The following IL3RA variants were observed in gnomAD, a reference collection of about 807,000 sequenced individuals.
IL3RA encodes interleukin-3 receptor subunit alpha.
A neutral mutation model predicts 52.3 loss-of-function variants in IL3RA; 73 were observed. The observed-to-expected ratio is 1.40, with a 90% CI of 1.16 to 1.70. The LOEUF (loss-of-function observed/expected upper bound fraction) is 1.70. IL3RA is among the 40% of genes most tolerant of loss of function. IL3RA has a pLI of 0.00. For missense variants in IL3RA, 664 were observed against 504.4 expected (o/e 1.32, Z -3.03); for synonymous variants, 260 against 194.0 (o/e 1.34, Z -2.83).
rs183012457 is a variant in IL3RA, at chrX:1,351,613, G to A, written c.299-487G>A. ...CAAAGTGCTGGGATTACAGGCGTGAGCCACCATGCCTGGGTTTGTTTTTTT... is the reference window on the plus strand; with the variant it reads ...CAAAGTGCTGGGATTACAGGCGTGAACCACCATGCCTGGGTTTGTTTTTTT... On this transcript the variant is annotated intron_variant, in intron 4 of 11. Coordinates refer to ENST00000331035, the MANE Select transcript of IL3RA (RefSeq NM_002183.4). 5.4e-3 allele frequency among the ~76,000 whole-genome samples: 802 copies of A among 147,882 alleles called. 11 individuals carry two copies. The highest frequency in any genetic ancestry group is 0.019 in the African/African-American group (753 of 40,064).
At chrX:1,346,015 G>C (rs1455139972) in intron 3 of IL3RA, among the ~76,000 whole-genome samples, 1 of 151,962 alleles carries the variant, frequency 6.6e-6, no homozygotes, top group Non-Finnish European at 1.5e-5. Context: ...GCTATGACTG[G>C]TGCGAAACCC....
chrX:1,352,292 G>A (rs773772462), intron 5 of IL3RA, 30 bp from the exon 6 acceptor site: 1 of 1,613,252 alleles, frequency 6.2e-7, no homozygotes, highest in Admixed American at 1.7e-5. Flanking sequence ...TCGGCGTGGG[G>A]TCGTCCCCCA....
intron 9 of IL3RA, 103 bp from the exon 10 acceptor site, chrX:1,378,556 T>G: frequency 1.0e-6 from 1 of 996,600 alleles, no homozygotes; most frequent in Admixed American, 2.1e-5. Flanking sequence ...CCACCCCATA[T>G]GGCAGCCACC....
At position 1,349,655 on chromosome X, in the gene IL3RA, T is replaced by C. The variant is rs1448838993; in HGVS notation, c.298+1110T>C. ...TAATTAGAAGTCCATGGTTTATTTT[T>C]TTGTTTTGTTTTGTTTGTTTTTCTG... is the stretch of plus-strand genomic sequence containing the variant. On this transcript the variant is annotated intron_variant, in intron 4 of 11. Coordinates refer to ENST00000331035, the MANE Select transcript of IL3RA (RefSeq NM_002183.4). Among the ~76,000 whole-genome samples the C allele has an allele frequency of 2.8e-5, 4 of 142,192 alleles. No homozygotes were observed. In the East Asian group the frequency reaches 5.9e-4, roughly 21 times the overall value. The allele number at this position is 142,192 out of a possible 152,430, so 93.3% of individuals were successfully genotyped here. A position where few individuals can be genotyped will look rare whatever the true frequency, so the allele number is the denominator to read the frequency against.
At position 1,352,314 on chromosome X, in the gene IL3RA, T is replaced by C; in HGVS notation, c.432-8T>C. ...GGGGTCGTCCCCCAACCTTACCGCT[T>C]ACCGCAGCAGGCGTCAACAGTACGA... is the stretch of plus-strand genomic sequence containing the variant. On this transcript the variant is annotated splice_polypyrimidine_tract_variant and splice_region_variant and intron_variant, in intron 5 of 11. Transcript: ENST00000331035. 2 of 1,613,712 alleles carry C rather than the reference T, an allele frequency of 1.2e-6. No individual in the cohort carries two copies. The highest frequency in any genetic ancestry group is 1.7e-5 in the Admixed American group (1 of 60,006).
At chrX:1,347,968 G>T (rs1407286744) in intron 3 of IL3RA, among the ~76,000 whole-genome samples, 2 of 148,676 alleles carry the variant, frequency 1.3e-5, no homozygotes, top group Admixed American at 6.8e-5. Flanking sequence ...ACCCGGGAGG[G>T]AGAGGCTACA....
chrX:1,342,366 A>G (rs1275719737), intron 2 of IL3RA, among the ~76,000 whole-genome samples: 1 of 151,776 alleles, frequency 6.6e-6, no homozygotes, highest in South Asian at 2.1e-4. Flanking sequence ...GGATTTCACT[A>G]TGTCGGTCAG....
chrX:1,362,368 ACTCTGT>A (rs1249477508), intron 8 of IL3RA, among the ~76,000 whole-genome samples: 1 of 94,450 alleles, frequency 1.1e-5, no homozygotes, highest in African/African-American at 4.2e-5. Flanking sequence ...TCCATCACCT[ACTCTGT>A]CTCTTTGTCT....
chrX:1,378,274 G>T (rs1313796497), intron 9 of IL3RA, among the ~76,000 whole-genome samples: 3 of 151,408 alleles, frequency 2.0e-5, no homozygotes, highest in African/African-American at 7.3e-5. Context: ...AAGCACGCAC[G>T]CCAGTGCTGC....
intron 8 of IL3RA, among the ~76,000 whole-genome samples, chrX:1,361,946 T>G (rs1195442584): frequency 1.3e-5 from 2 of 151,950 alleles, no homozygotes; most frequent in East Asian, 3.9e-4. Context: ...AGATGAGATT[T>G]GGGTGGGGAC....
chrX:1,373,345 G>GACAC (rs2088579812), intron 9 of IL3RA, among the ~76,000 whole-genome samples: 1 of 4,386 alleles, frequency 2.3e-4, no homozygotes, highest in Non-Finnish European at 3.6e-4. Context: ...TGAGGACACA[G>GACAC]ACACACACAG....
chrX:1,378,540 T>C, intron 9 of IL3RA, 119 bp from the exon 10 acceptor site: 8 of 832,096 alleles, frequency 9.6e-6, no homozygotes, highest in Middle Eastern at 3.5e-4. Flanking sequence ...TGTCCCCCCC[T>C]GGACGCCACC....
At chrX:1,366,557 C>A (rs1185414442) in intron 9 of IL3RA, among the ~76,000 whole-genome samples, 30 of 37,046 alleles carry the variant, frequency 8.1e-4, no homozygotes, top group Admixed American at 1.0e-3. Context: ...GAGCCGGGTG[C>A]GCGGGGTGAG....
At chrX:1,364,475 G>T (rs1353952821) in intron 8 of IL3RA, among the ~76,000 whole-genome samples, 2 of 152,230 alleles carry the variant, frequency 1.3e-5, no homozygotes, top group Non-Finnish European at 2.9e-5. Flanking sequence ...TGGGCAACAA[G>T]AGTGAAACTC....
chrX:1,352,067 G>A (rs1270282996), intron 4 of IL3RA, 33 bp from the exon 5 acceptor site: 3 of 1,610,424 alleles, frequency 1.9e-6, no homozygotes, highest in Admixed American at 1.7e-5. Flanking sequence ...GCCCGGTCCC[G>A]ATTCGAGTTC....
chrX:1,349,918 C>T lies in IL3RA; in HGVS notation c.298+1373C>T, dbSNP rs771245235. Reference sequence around the variant, plus strand: ...CCACCCGCCTCAGCCTCCCAAAGTGCTGGGATGACAGGCGGGAGCCACTGT... The same window carrying T: ...CCACCCGCCTCAGCCTCCCAAAGTGTTGGGATGACAGGCGGGAGCCACTGT... On this transcript the variant is annotated intron_variant, in intron 4 of 11. Transcript: ENST00000331035. 7.9e-5 allele frequency among the ~76,000 whole-genome samples: 12 copies of T among 151,966 alleles called. 1 individual carries two copies. In the South Asian group the frequency reaches 2.3e-3, roughly 29 times the overall value.
chrX:1,367,785 C>CTGAGCGGGGTGCGCCGGG (rs1486486539), intron 9 of IL3RA, among the ~76,000 whole-genome samples: 17 of 35,420 alleles, frequency 4.8e-4, no homozygotes, highest in African/African-American at 2.0e-3. Context: ...GGTGCGCGGG[C>CTGAGCGGGGTGCGCCGGG]TGAGCGGGGT....
chrX:1,345,353 A>G lies in IL3RA; in HGVS notation c.102A>G (p.Ala34=). ...CAATCACGAACCTAAGGATGAAAGC[A>G]AAGGCTCAGCAGTTGACCTGGGACC... is the stretch of plus-strand genomic sequence containing the variant. The part of the protein sequence containing the change: ...NPPITNLRMK[A]KAQQLTWDLN... The change falls in exon 3 of 12, where the codon GCA becomes GCG. Residue 34 remains alanine (A), a synonymous_variant. Coordinates refer to ENST00000331035, the MANE Select transcript of IL3RA (RefSeq NM_002183.4). 1.2e-6 allele frequency: 2 copies of G among 1,611,586 alleles called. No individual in the cohort carries two copies. Among genetic ancestry groups the G allele is most frequent in the Non-Finnish European group, 1.7e-6 (2 of 1,178,518 alleles).
At chrX:1,345,673 G>A (rs1384753301) in intron 3 of IL3RA, among the ~76,000 whole-genome samples, 1 of 151,554 alleles carries the variant, frequency 6.6e-6, no homozygotes, top group Non-Finnish European at 1.5e-5. Context: ...TGTATTTTTA[G>A]TAGAGATGGG....
Sources: allele counts gnomAD v4.1 joint callset (sites outside exome capture counted in the v4.1 genomes callset), GRCh38; gene constraint gnomAD v4.1.1; transcripts MANE v1.5; gene names NCBI Gene and HGNC (gene_info 2026-07-23, HGNC 2026-07-21).